AGAP1: variants seen among roughly 807,000 people sequenced by gnomAD.
AGAP1 encodes arf-GAP with GTPase, ANK repeat and PH domain-containing protein 1.
Under a neutral mutation model 105.3 loss-of-function variants are expected in AGAP1, and 29 were observed. That is an observed-to-expected ratio of 0.28 (90% CI 0.21 to 0.38). The LOEUF (loss-of-function observed/expected upper bound fraction) is 0.38. Among genes scored for constraint, AGAP1 ranks in the 10% least tolerant of loss-of-function variants. The probability of loss-of-function intolerance (pLI) is 1.00; values close to 1 mark genes in which losing one functional copy is unlikely to be tolerated. For synonymous variants in AGAP1, 509 were observed against 485.9 expected (o/e 1.05, Z -0.63); for missense variants, 998 against 1,165.1 (o/e 0.86, Z 2.09).
chr2:235,626,307 A>G (rs1356754266), intron 1 of AGAP1, among the ~76,000 whole-genome samples: 1 of 152,168 alleles, frequency 6.6e-6, no homozygotes, highest in African/African-American at 2.4e-5. Context: ...GCAGTGAGCC[A>G]AGATCACGCC....
intron 9 of AGAP1, among the ~76,000 whole-genome samples, chr2:235,856,857 C>A (rs1188810229): frequency 6.6e-6 from 1 of 152,262 alleles, no homozygotes; most frequent in African/African-American, 2.4e-5. Context: ...CAAGTGCCAG[C>A]CACTGTCGTG....
In AGAP1 at chr2:235,781,761, A is replaced by G. The variant is rs147364742; in HGVS notation, c.674-15998A>G. Among the ~76,000 whole-genome samples, 25 of 152,194 alleles carry G rather than the reference A, an allele frequency of 1.6e-4. No homozygotes were observed. The East Asian group carries it at 1.7e-3, about 11-fold the overall frequency. The stretch of plus-strand genomic sequence containing the variant: ...GGAAGCTGTTTTGAAAAATACCCAA[A>G]TAGCAAATTATTGTTCCCATCACCA... On this transcript the variant is annotated intron_variant, in intron 6 of 17. Transcript: ENST00000304032.
Position 236,046,843 on chromosome 2 carries a change from T to C in AGAP1, c.1892-2216T>C, listed in dbSNP as rs115278104. 9.0e-3 allele frequency among the ~76,000 whole-genome samples: 1,372 copies of C among 152,210 alleles called. 17 individuals are homozygous for C. Among genetic ancestry groups the C allele is most frequent in the African/African-American group, 0.031 (1,297 of 41,524 alleles). On this transcript the variant is annotated intron_variant, in intron 15 of 17. Coordinates refer to ENST00000304032, the MANE Select transcript of AGAP1 (RefSeq NM_001037131.3). The surrounding 1 kb of genome is among the most constrained non-coding windows in gnomAD (Gnocchi z 5.2). ...TCGTTGACCAAAAAGGTATCAGAAGTTAGCACTGGCCCAGCACAGTGGCTC... is the reference window on the plus strand; with the variant it reads ...TCGTTGACCAAAAAGGTATCAGAAGCTAGCACTGGCCCAGCACAGTGGCTC...
intron 14 of AGAP1, among the ~76,000 whole-genome samples, chr2:236,039,890 TC>T (rs773073252): frequency 2.6e-5 from 4 of 152,270 alleles, no homozygotes; most frequent in Admixed American, 1.3e-4. Flanking sequence ...ATGTTCTTTT[TC>T]CCCTCTCTGT....
At chr2:235,797,626 C>A (rs1392197229) in intron 6 of AGAP1, 133 bp from the exon 7 acceptor site, 1 of 1,193,624 alleles carries the variant, frequency 8.4e-7, no homozygotes, top group Non-Finnish European at 1.2e-6. Context: ...CATTTGCCCA[C>A]CTAAGAACCA....
At chr2:235,567,863 A>G (rs1260014356) in intron 1 of AGAP1, among the ~76,000 whole-genome samples, 1 of 152,058 alleles carries the variant, frequency 6.6e-6, no homozygotes, top group Non-Finnish European at 1.5e-5. Context: ...GAAAGGGGGA[A>G]GGTGACAGTG....
chr2:235,915,938 T>C (rs2051857267), intron 11 of AGAP1, among the ~76,000 whole-genome samples: 1 of 152,094 alleles, frequency 6.6e-6, no homozygotes, highest in African/African-American at 2.4e-5. Context: ...CAAGGTTACC[T>C]ACAAAAGAAG....
chr2:235,500,499 A>G (rs1336188626), intron 1 of AGAP1, among the ~76,000 whole-genome samples: 1 of 152,182 alleles, frequency 6.6e-6, no homozygotes, highest in Admixed American at 6.5e-5. Context: ...TTGACTTGGT[A>G]TCATCTCTGG....
chr2:235,868,820 T>G (rs2049304505), intron 9 of AGAP1, among the ~76,000 whole-genome samples: 1 of 152,220 alleles, frequency 6.6e-6, no homozygotes, highest in African/African-American at 2.4e-5. Context: ...ACACTTAACA[T>G]TGCTTTTGGC....
At chr2:236,060,148 A>C (rs1044858408) in intron 16 of AGAP1, among the ~76,000 whole-genome samples, 3 of 152,238 alleles carry the variant, frequency 2.0e-5, no homozygotes, top group African/African-American at 7.2e-5. Flanking sequence ...GAGTGCAAAA[A>C]CTGAAACTAT....
chr2:235,913,182 G>T (rs2051702121), intron 11 of AGAP1, among the ~76,000 whole-genome samples: 1 of 151,950 alleles, frequency 6.6e-6, no homozygotes, highest in Non-Finnish European at 1.5e-5. Context: ...TCATAATCTT[G>T]AAACCAGATC....
chr2:236,078,324 A>G lies in AGAP1; in HGVS notation c.2114+29043A>G, dbSNP rs2058697703. ...CTTTGGGCTCTCACCTGATGGGATG[A>G]GGCCCACCTGCTTTCTCAAGGATAA... On this transcript the variant is annotated intron_variant, in intron 16 of 17. Transcript: ENST00000304032. The surrounding 1 kb of genome is among the most constrained non-coding windows in gnomAD (Gnocchi z 5.3). 6.6e-6 allele frequency among the ~76,000 whole-genome samples: 1 copy of G among 152,112 alleles called. No homozygotes were observed. Among genetic ancestry groups the G allele is most frequent in the South Asian group, 2.1e-4 (1 of 4,828 alleles).
intron 6 of AGAP1, among the ~76,000 whole-genome samples, chr2:235,780,763 A>G (rs940256175): frequency 1.3e-5 from 2 of 152,240 alleles, no homozygotes; most frequent in African/African-American, 4.8e-5. Flanking sequence ...GCTTCTGAAC[A>G]TTTTGAAGAT....
intron 1 of AGAP1, among the ~76,000 whole-genome samples, chr2:235,572,122 C>A (rs1165053627): frequency 6.7e-6 from 1 of 150,048 alleles, no homozygotes; most frequent in African/African-American, 2.5e-5. Flanking sequence ...TAATTTGGGT[C>A]TGAACTTTAT....
chr2:236,006,995 C>T (rs1223333048), intron 13 of AGAP1, among the ~76,000 whole-genome samples: 3 of 152,114 alleles, frequency 2.0e-5, no homozygotes, highest in Non-Finnish European at 4.4e-5. Flanking sequence ...ACCTTGTTTA[C>T]TCATTGACAG....
intron 16 of AGAP1, among the ~76,000 whole-genome samples, chr2:236,107,740 C>T (rs553776724): frequency 6.6e-6 from 1 of 152,346 alleles, no homozygotes; most frequent in South Asian, 2.1e-4. Context: ...GAAAACCTGG[C>T]TGGGGCCAGA....
intron 16 of AGAP1, among the ~76,000 whole-genome samples, chr2:236,064,751 G>A (rs531630811): frequency 4.2e-4 from 64 of 152,342 alleles, no homozygotes; most frequent in Admixed American, 1.4e-3. Flanking sequence ...AAAAGACCTG[G>A]AAGAGCCTCG....
chr2:235,758,043 A>G (rs1954076914), intron 6 of AGAP1, among the ~76,000 whole-genome samples: 1 of 151,692 alleles, frequency 6.6e-6, no homozygotes, highest in African/African-American at 2.4e-5. Context: ...AATCAGCTTA[A>G]TTTTCATTGT....
rs1298181014 is a variant in AGAP1 at position 235,690,493 on chromosome 2, A to G, written c.164-18686A>G. On this transcript the variant is annotated intron_variant, in intron 1 of 17. Transcript: ENST00000304032. This position sits in a 1 kb window ranked among gnomAD's most constrained non-coding sequence, Gnocchi z 4.1. ...AAAATAAAGGTGATAGCCAAGGAGG[A>G]AAGCATGGTTTATTCCTAGCTTCCG... 6.6e-6 allele frequency among the ~76,000 whole-genome samples: 1 copy of G among 152,220 alleles called. No homozygotes were observed. The highest frequency in any genetic ancestry group is 1.5e-5 in the Non-Finnish European group (1 of 68,044).
Sources: allele counts gnomAD v4.1 joint callset (sites outside exome capture counted in the v4.1 genomes callset), GRCh38; gene constraint gnomAD v4.1.1; non-coding constraint Gnocchi (gnomAD v3.1); transcripts MANE v1.5; gene names NCBI Gene and HGNC (gene_info 2026-07-23, HGNC 2026-07-21).